Variants in GALNTL6 observed in about 807,000 individuals in gnomAD.
GALNTL6 encodes the protein polypeptide N-acetylgalactosaminyltransferase like 6, also known as polypeptide N-acetylgalactosaminyltransferase-like 6.
In GALNTL6, 46 loss-of-function variants were observed where a neutral mutation model predicts 73.7. The ratio of observed to expected loss-of-function variants is 0.62; its 90% CI spans 0.49 to 0.80. The LOEUF (loss-of-function observed/expected upper bound fraction) is 0.80. GALNTL6 is among the 30% of genes least tolerant of loss of function. The pLI is 0.00. For synonymous variants in GALNTL6, 259 were observed against 263.7 expected (o/e 0.98, Z 0.17); for missense variants, 604 against 755.0 (o/e 0.80, Z 2.34).
intron 2 of GALNTL6, among the ~76,000 whole-genome samples, chr4:172,126,504 A>G (rs10014481): frequency 0.45 from 69,118 of 151,984 alleles, 16,598 homozygotes; most frequent in African/African-American, 0.6. Flanking sequence ...TGTAAGGGAC[A>G]CGAGGAACAC....
At chr4:171,956,279 T>C (rs969394816) in intron 2 of GALNTL6, among the ~76,000 whole-genome samples, 46 of 152,318 alleles carry the variant, frequency 3.0e-4, no homozygotes, top group Admixed American at 1.3e-3. Flanking sequence ...GTGCAGGGAT[T>C]ACAGGTGTGA....
Position 172,653,131 on chromosome 4 carries a change from T to C in GALNTL6, c.554-156230T>C, listed in dbSNP as rs561050101. Among the ~76,000 whole-genome samples the C allele has an allele frequency of 2.1e-4, 32 of 152,060 alleles. No homozygotes were observed. In the South Asian group the frequency reaches 5.2e-3, roughly 25 times the overall value. On this transcript the variant is annotated intron_variant, in intron 5 of 12. Transcript: ENST00000506823. ...ATCTCCTGCTTGCTTTAACCTTGTA[T>C]GTTGTTGACAATCTCCTGCGACTTT...
At chr4:172,917,705 T>C (rs574536408) in intron 8 of GALNTL6, among the ~76,000 whole-genome samples, 1 of 152,214 alleles carries the variant, frequency 6.6e-6, no homozygotes, top group Admixed American at 6.5e-5. Context: ...TGAGATACCA[T>C]CTCACACCAG....
At chr4:173,030,554 T>C (rs920755192) in intron 12 of GALNTL6, among the ~76,000 whole-genome samples, 7 of 152,226 alleles carry the variant, frequency 4.6e-5, no homozygotes, top group South Asian at 2.1e-4. Context: ...ATCTTGTTAA[T>C]AGGAACTATG....
At chr4:172,251,608 G>A (rs1737873991) in intron 3 of GALNTL6, among the ~76,000 whole-genome samples, 1 of 152,108 alleles carries the variant, frequency 6.6e-6, no homozygotes, top group Non-Finnish European at 1.5e-5. Flanking sequence ...TAGGGACAGA[G>A]GGGCTTCCTA....
intron 5 of GALNTL6, among the ~76,000 whole-genome samples, chr4:172,366,875 G>A (rs1742585655): frequency 1.3e-5 from 2 of 152,242 alleles, no homozygotes; most frequent in African/African-American, 4.8e-5. Context: ...CTGGGAGGAT[G>A]AAGAATATCA....
chr4:172,792,291 C>T (rs1250375726), intron 5 of GALNTL6, among the ~76,000 whole-genome samples: 1 of 151,880 alleles, frequency 6.6e-6, no homozygotes, highest in East Asian at 1.9e-4. Flanking sequence ...TTAAAAACTA[C>T]AGTAAAATTA....
At chr4:172,561,632 C>G (rs997949713) in intron 5 of GALNTL6, among the ~76,000 whole-genome samples, 1 of 152,124 alleles carries the variant, frequency 6.6e-6, no homozygotes, top group African/African-American at 2.4e-5. Flanking sequence ...AAGTTTTCTA[C>G]GAAAGAAATG....
At chr4:172,906,165 G>A (rs2111251634) in intron 8 of GALNTL6, among the ~76,000 whole-genome samples, 1 of 151,732 alleles carries the variant, frequency 6.6e-6, no homozygotes, top group Middle Eastern at 3.4e-3. Context: ...ATGGCCAAAA[G>A]GAAATAATTA....
At chr4:172,710,697 GA>G (rs1734649539) in intron 5 of GALNTL6, among the ~76,000 whole-genome samples, 1 of 151,990 alleles carries the variant, frequency 6.6e-6, no homozygotes, top group African/African-American at 2.4e-5. Flanking sequence ...CTTCAATTTG[GA>G]ACATGGAATA....
chr4:172,337,679 T>C (rs1267441174), intron 4 of GALNTL6, among the ~76,000 whole-genome samples: 2 of 147,058 alleles, frequency 1.4e-5, no homozygotes, highest in Non-Finnish European at 3.0e-5. Flanking sequence ...CCTTTTACTC[T>C]ACCCGTCTTT....
chr4:172,633,183 C>T (rs1739489283), intron 5 of GALNTL6, among the ~76,000 whole-genome samples: 1 of 152,134 alleles, frequency 6.6e-6, no homozygotes, highest in South Asian at 2.1e-4. Context: ...AGAGGGCCAC[C>T]ATCCTCCAGA....
intron 5 of GALNTL6, among the ~76,000 whole-genome samples, chr4:172,625,138 G>A (rs186861376): frequency 5.3e-5 from 8 of 151,762 alleles, no homozygotes; most frequent in Admixed American, 4.6e-4. Flanking sequence ...CTACATTATA[G>A]GGACATAAAA....
At chr4:172,958,726 T>C (rs978962657) in intron 10 of GALNTL6, among the ~76,000 whole-genome samples, 1 of 152,180 alleles carries the variant, frequency 6.6e-6, no homozygotes, top group Non-Finnish European at 1.5e-5. Flanking sequence ...GGGGGCTGTC[T>C]GTGAAGCCTT....
At chr4:171,843,386 G>A (rs1735291079) in intron 2 of GALNTL6, among the ~76,000 whole-genome samples, 1 of 151,926 alleles carries the variant, frequency 6.6e-6, no homozygotes, top group African/African-American at 2.4e-5. Flanking sequence ...TATTGATATG[G>A]TGACAATGCC....
At chr4:171,965,657 G>GAAAAAAAAAAAAA (rs10625618) in intron 2 of GALNTL6, among the ~76,000 whole-genome samples, 1 of 100,340 alleles carries the variant, frequency 1.0e-5, no homozygotes, top group African/African-American at 3.9e-5. Flanking sequence ...CTCCGTCTCA[G>GAAAAAAAAAAAAA]AAAAAAAAAA....
intron 3 of GALNTL6, among the ~76,000 whole-genome samples, chr4:172,267,337 A>G (rs1328021282): frequency 1.3e-5 from 2 of 152,158 alleles, no homozygotes; most frequent in Non-Finnish European, 2.9e-5. Flanking sequence ...TCTTCTAGGT[A>G]AATAAAACAG....
rs191984203 is a variant in GALNTL6 at position 172,208,233 on chromosome 4, A to C, written c.139-21423A>C. On this transcript the variant is annotated intron_variant, in intron 2 of 12. Transcript: ENST00000506823. ...TCCCCAGCAAGTTTAAAGTTATTGA[A>C]AGCATACCTTTCCATTATTTTTTGT... 1.2e-4 allele frequency among the ~76,000 whole-genome samples: 18 copies of C among 152,292 alleles called. No individual in the cohort carries two copies. In the East Asian group the frequency reaches 3.3e-3, roughly 28 times the overall value.
intron 2 of GALNTL6, among the ~76,000 whole-genome samples, chr4:172,048,248 G>T (rs1742273283): frequency 6.6e-6 from 1 of 152,082 alleles, no homozygotes; most frequent in Admixed American, 6.6e-5. Context: ...CCATTACTAT[G>T]CTAATGTTTC....
Sources: allele counts gnomAD v4.1 joint callset (sites outside exome capture counted in the v4.1 genomes callset), GRCh38; gene constraint gnomAD v4.1.1; transcripts MANE v1.5; gene names NCBI Gene and HGNC (gene_info 2026-07-23, HGNC 2026-07-21).